The following STARD13 variants were observed in gnomAD, a reference collection of about 807,000 sequenced individuals.
The protein encoded by STARD13 is stAR-related lipid transfer protein 13.
Under a neutral mutation model 106.4 loss-of-function variants are expected in STARD13, and 62 were observed. The observed-to-expected ratio is 0.58, with a 90% CI of 0.48 to 0.72. The LOEUF (loss-of-function observed/expected upper bound fraction) is 0.72, where lower values mean the gene tolerates loss of function less well. Ranked by LOEUF, STARD13 falls within the 30% of genes least tolerant of loss-of-function variation. STARD13 has a pLI of 0.00. For missense variants in STARD13, 1,387 were observed against 1,424.0 expected (o/e 0.97, Z 0.42); for synonymous variants, 565 against 553.0 (o/e 1.02, Z -0.31).
At chr13:33,462,362 T>C in the STARD13 span, among the ~76,000 whole-genome samples, 1 of 152,252 alleles carries the variant, frequency 6.6e-6, no homozygotes, top group African/African-American at 2.4e-5. Flanking sequence ...ACCACATTAT[T>C]AGTCTGCATG....
At chr13:33,629,078 C>A in the STARD13 span, among the ~76,000 whole-genome samples, 1 of 152,218 alleles carries the variant, frequency 6.6e-6, no homozygotes, top group South Asian at 2.1e-4. Context: ...GTGGTAGCTG[C>A]ATAAAGAGAC....
chr13:33,237,630 T>G (rs1382511875), intron 1 of STARD13, among the ~76,000 whole-genome samples: 4 of 152,190 alleles, frequency 2.6e-5, no homozygotes, highest in Non-Finnish European at 4.4e-5. Context: ...CACTCATCAG[T>G]GTGATCCCTT....
At chr13:33,502,927 C>G in the STARD13 span, among the ~76,000 whole-genome samples, 1 of 152,128 alleles carries the variant, frequency 6.6e-6, no homozygotes, top group Non-Finnish European at 1.5e-5. Flanking sequence ...CCCTCTTTTT[C>G]TATTGATTGG....
At position 33,184,469 on chromosome 13, in the gene STARD13, T is replaced by C. The variant is rs142171121; in HGVS notation, c.170-16847A>G. On this transcript the variant is annotated intron_variant, in intron 1 of 13. Transcript: ENST00000336934. ...TGGATAAAGTAAAGGTGGGAACAGA[T>C]AAGGGGAAAGAGACAGTAAGTTGGA... Among the ~76,000 whole-genome samples, 518 of 152,242 alleles carry C rather than the reference T, an allele frequency of 3.4e-3. 2 individuals are homozygous for C. The highest frequency in any genetic ancestry group is 0.012 in the African/African-American group (492 of 41,550).
the STARD13 span, among the ~76,000 whole-genome samples, chr13:33,480,049 T>C: frequency 2.0e-5 from 3 of 152,160 alleles, no homozygotes; most frequent in Non-Finnish European, 4.4e-5. Context: ...AATTCTTAAA[T>C]GAAAAGATCA....
intron 4 of STARD13, among the ~76,000 whole-genome samples, chr13:33,132,850 A>G (rs1467984166): frequency 1.3e-5 from 2 of 152,222 alleles, no homozygotes; most frequent in African/African-American, 4.8e-5. Context: ...TGATGACTCA[A>G]AATATACTTT....
the STARD13 span, among the ~76,000 whole-genome samples, chr13:33,571,993 A>C: frequency 6.6e-6 from 1 of 152,162 alleles, no homozygotes; most frequent in Non-Finnish European, 1.5e-5. Flanking sequence ...GTGTGTGGGA[A>C]ACAACAAAGC....
intron 1 of STARD13, among the ~76,000 whole-genome samples, chr13:33,304,435 C>T (rs979019523): frequency 6.6e-6 from 1 of 151,938 alleles, no homozygotes; most frequent in Non-Finnish European, 1.5e-5. Context: ...AATTTTGAAG[C>T]CCTTCACTTC....
chr13:33,234,213 C>G (rs190578308), intron 1 of STARD13, among the ~76,000 whole-genome samples: 1 of 152,218 alleles, frequency 6.6e-6, no homozygotes, highest in African/African-American at 2.4e-5. Flanking sequence ...ATCTACCCCT[C>G]GAGATGGAGA....
the STARD13 span, among the ~76,000 whole-genome samples, chr13:33,647,143 A>G: frequency 6.6e-6 from 1 of 152,194 alleles, no homozygotes; most frequent in Non-Finnish European, 1.5e-5. Flanking sequence ...TGATGTCTAC[A>G]GTTTAAAAGG....
the STARD13 span, among the ~76,000 whole-genome samples, chr13:33,384,422 A>G: frequency 6.6e-6 from 1 of 152,326 alleles, no homozygotes; most frequent in Non-Finnish European, 1.5e-5. Flanking sequence ...TGACCAATCC[A>G]TATTTTAATG....
chr13:33,222,392 A>G (rs958892826), intron 1 of STARD13, among the ~76,000 whole-genome samples: 7 of 152,198 alleles, frequency 4.6e-5, no homozygotes, highest in African/African-American at 1.7e-4. Flanking sequence ...ATTGCAAAAG[A>G]ATGTGAATAG....
chr13:33,242,194 C>A (rs1279842580), intron 1 of STARD13, among the ~76,000 whole-genome samples: 1 of 152,188 alleles, frequency 6.6e-6, no homozygotes, highest in African/African-American at 2.4e-5. Context: ...CCAGCAGCCG[C>A]CCCATCCGGG....
chr13:33,495,299 C>A, the STARD13 span, among the ~76,000 whole-genome samples: 1 of 152,146 alleles, frequency 6.6e-6, no homozygotes, highest in African/African-American at 2.4e-5. Flanking sequence ...TCATCTTAAC[C>A]ATTTTAAGTG....
chr13:33,276,039 C>T (rs1249995512), intron 1 of STARD13: 1 of 152,182 alleles, frequency 6.6e-6, no homozygotes, highest in Non-Finnish European at 1.5e-5. Flanking sequence ...AGACTGATTT[C>T]CCTTCTTCTT....
At chr13:33,304,482 T>G (rs1369449024) in intron 1 of STARD13, among the ~76,000 whole-genome samples, 4 of 152,166 alleles carry the variant, frequency 2.6e-5, no homozygotes, top group Non-Finnish European at 5.9e-5. Context: ...ACATTCCATG[T>G]AATAAAAACC....
intron 1 of STARD13, among the ~76,000 whole-genome samples, chr13:33,253,191 A>G (rs1890174558): frequency 6.6e-6 from 1 of 152,190 alleles, no homozygotes; most frequent in Non-Finnish European, 1.5e-5. Context: ...GTCTTAAGGC[A>G]ATGACTATGG....
At chr13:33,555,637 A>G in the STARD13 span, among the ~76,000 whole-genome samples, 8 of 152,192 alleles carry the variant, frequency 5.3e-5, no homozygotes, top group African/African-American at 1.9e-4. Context: ...ATGGTGATCT[A>G]ATGGAAAGAG....
At chr13:33,553,512 T>C in the STARD13 span, among the ~76,000 whole-genome samples, 11 of 151,896 alleles carry the variant, frequency 7.2e-5, no homozygotes, top group Non-Finnish European at 1.3e-4. Context: ...ATGTTAATAG[T>C]AATTTTGTAT....
Sources: gnomAD v4.1 joint callset for allele counts (sites outside exome capture counted in the v4.1 genomes callset) on GRCh38, gnomAD v4.1.1 for gene constraint, MANE v1.5 for transcripts, NCBI Gene and HGNC (gene_info 2026-07-23, HGNC 2026-07-21) for gene names.